RBFOX1: variants seen among roughly 807,000 people sequenced by gnomAD.
The protein encoded by RBFOX1 is RNA binding protein fox-1 homolog 1.
RBFOX1 carries 8 observed loss-of-function variants against 57.7 expected under a neutral mutation model. The observed-to-expected ratio is 0.14, with a 90% CI of 0.08 to 0.25. The LOEUF (loss-of-function observed/expected upper bound fraction) is 0.25, where lower values mean the gene tolerates loss of function less well. Ranked by LOEUF, RBFOX1 falls within the 10% of genes least tolerant of loss-of-function variation. The probability of loss-of-function intolerance (pLI) is 1.00; values close to 1 mark genes in which losing one functional copy is unlikely to be tolerated. For synonymous variants in RBFOX1, 326 were observed against 222.4 expected, an observed-to-expected ratio of 1.47 and a Z score of -4.15; for missense variants, 611 against 548.5, an observed-to-expected ratio of 1.11 and a Z score of -1.14.
At chr16:7,533,096 C>G (rs7192212) in intron 5 of RBFOX1, among the ~76,000 whole-genome samples, 13,142 of 152,164 alleles carry the variant, frequency 0.086, 1,530 homozygotes, top group African/African-American at 0.27. Flanking sequence ...GTCATAGTCG[C>G]CAGCACTGCC....
At chr16:5,895,588 T>TA in intron 4 of RBFOX1, among the ~76,000 whole-genome samples, 1 of 152,200 alleles carries the variant, frequency 6.6e-6, no homozygotes, top group Non-Finnish European at 1.5e-5. Context: ...GCCCAGGGCA[T>TA]AGGAAGGAGG....
chr16:6,345,967 G>C (rs2085310150), intron 2 of RBFOX1, among the ~76,000 whole-genome samples: 1 of 152,164 alleles, frequency 6.6e-6, no homozygotes, highest in African/African-American at 2.4e-5. Context: ...AAAGCGGGGA[G>C]GGGGATTCCA....
chr16:7,144,830 G>A (rs944631898), intron 4 of RBFOX1, among the ~76,000 whole-genome samples: 1 of 152,104 alleles, frequency 6.6e-6, no homozygotes. Flanking sequence ...TTTATGGCCC[G>A]AGAAGGTGAT....
intron 3 of RBFOX1, among the ~76,000 whole-genome samples, chr16:6,850,842 C>G (rs1193226172): frequency 6.6e-6 from 1 of 152,146 alleles, no homozygotes; most frequent in African/African-American, 2.4e-5. Context: ...AAGCATGCAC[C>G]TCCCATATAA....
chr16:5,449,793 A>G (rs2068365020), intron 1 of RBFOX1, among the ~76,000 whole-genome samples: 1 of 152,030 alleles, frequency 6.6e-6, no homozygotes, highest in Non-Finnish European at 1.5e-5. Flanking sequence ...TTTTTTGTAG[A>G]GACAGAGTCT....
intron 4 of RBFOX1, among the ~76,000 whole-genome samples, chr16:7,187,179 T>C (rs978549471): frequency 1.0e-3 from 156 of 151,054 alleles, no homozygotes; most frequent in African/African-American, 3.4e-3. Context: ...AAAAAATAAA[T>C]AAAAAAATAA....
intron 2 of RBFOX1, among the ~76,000 whole-genome samples, chr16:5,595,708 C>A (rs1225380764): frequency 6.6e-6 from 1 of 152,194 alleles, no homozygotes; most frequent in Non-Finnish European, 1.5e-5. Flanking sequence ...CGCTGCATCT[C>A]TTGGCTCTGT....
In RBFOX1 at chr16:6,532,663, C is replaced by T. The variant is rs2096675142; in HGVS notation, c.-63-121940C>T. Among the ~76,000 whole-genome samples, 5 of 152,284 alleles carry T rather than the reference C, an allele frequency of 3.3e-5. 1 individual carries two copies. In the South Asian group the frequency reaches 1.0e-3, roughly 32 times the overall value. On this transcript the variant is annotated intron_variant, in intron 2 of 15. Transcript: ENST00000550418. The stretch of plus-strand genomic sequence containing the variant: ...CGAGATTTCTTCCTGCACATGCACA[C>T]TCTGGACTGTGCACTTTTCTGCTCT...
intron 1 of RBFOX1, among the ~76,000 whole-genome samples, chr16:5,263,353 C>T (rs2062782511): frequency 6.6e-6 from 1 of 152,050 alleles, no homozygotes; most frequent in South Asian, 2.1e-4. Flanking sequence ...TAATGCGATG[C>T]AAACTTCAGA....
At chr16:6,010,534 C>T (rs1187639633) in intron 4 of RBFOX1, among the ~76,000 whole-genome samples, 1 of 152,206 alleles carries the variant, frequency 6.6e-6, no homozygotes, top group African/African-American at 2.4e-5. Context: ...GCTTCACCTC[C>T]CCAGTTCACT....
chr16:7,096,898 C>T (rs1382167188), intron 4 of RBFOX1, among the ~76,000 whole-genome samples: 1 of 128,588 alleles, frequency 7.8e-6, no homozygotes, highest in Admixed American at 1.0e-4. Flanking sequence ...TACCACTGCA[C>T]TCTAGCTTGG....
chr16:7,104,931 C>A (rs933511651), intron 4 of RBFOX1, among the ~76,000 whole-genome samples: 1 of 152,088 alleles, frequency 6.6e-6, no homozygotes, highest in South Asian at 2.1e-4. Flanking sequence ...ACTCAGAAAT[C>A]TCTGTGCTTG....
rs114714685 is a variant in RBFOX1, at chr16:6,086,546, C to G, written c.-127+66554C>G. Among the ~76,000 whole-genome samples the G allele has an allele frequency of 4.4e-3, 664 of 152,226 alleles. 6 individuals are homozygous for G. The highest frequency in any genetic ancestry group is 0.015 in the African/African-American group (620 of 41,540). ...TGCTTAAACATAAACCAGCAGTGAA[C>G]GAAGAATCTTTAGTACCTGACGTGA... is the stretch of plus-strand genomic sequence containing the variant. On this transcript the variant is annotated intron_variant, in intron 1 of 15. Coordinates refer to ENST00000550418, the MANE Select transcript of RBFOX1 (RefSeq NM_018723.4).
At chr16:6,472,919 C>T (rs1356370447) in intron 2 of RBFOX1, among the ~76,000 whole-genome samples, 1 of 152,084 alleles carries the variant, frequency 6.6e-6, no homozygotes. Context: ...ACCACTGTGC[C>T]CGGCCCAGTT....
chr16:7,477,908 G>A (rs934847789), intron 4 of RBFOX1, among the ~76,000 whole-genome samples: 4 of 152,188 alleles, frequency 2.6e-5, no homozygotes, highest in Admixed American at 6.5e-5. Context: ...ACATCTTAAA[G>A]CATCTTGTTG....
intron 1 of RBFOX1, among the ~76,000 whole-genome samples, chr16:6,251,584 G>C (rs112765900): frequency 7.9e-5 from 12 of 152,198 alleles, no homozygotes; most frequent in African/African-American, 1.9e-4. Flanking sequence ...ACCCCTTGGA[G>C]GTAGGGGGAG....
intron 1 of RBFOX1, among the ~76,000 whole-genome samples, chr16:5,248,717 C>T (rs1483561531): frequency 1.3e-5 from 2 of 152,102 alleles, no homozygotes; most frequent in Non-Finnish European, 1.5e-5. Flanking sequence ...GGGCCGGGCA[C>T]GGTGGCTCAC....
intron 1 of RBFOX1, among the ~76,000 whole-genome samples, chr16:5,414,953 C>G (rs1049586960): frequency 4.6e-5 from 7 of 152,044 alleles, no homozygotes; most frequent in African/African-American, 1.4e-4. Context: ...TTGGTGGAGG[C>G]TTTTGTGCTT....
chr16:6,670,793 C>A (rs749935637), intron 3 of RBFOX1, among the ~76,000 whole-genome samples: 1 of 151,906 alleles, frequency 6.6e-6, no homozygotes, highest in Non-Finnish European at 1.5e-5. Context: ...GTCAGGAGAT[C>A]GAGACCATCC....
Sources: gnomAD v4.1 joint callset for allele counts (sites outside exome capture counted in the v4.1 genomes callset) on GRCh38, gnomAD v4.1.1 for gene constraint, MANE v1.5 for transcripts, NCBI Gene and HGNC (gene_info 2026-07-23, HGNC 2026-07-21) for gene names.